MYO3A: variants seen among roughly 807,000 people sequenced by gnomAD.
MYO3A encodes the protein myosin IIIA.
In MYO3A, 180 loss-of-function variants were observed where a neutral mutation model predicts 192.7. The ratio of observed to expected loss-of-function variants is 0.93; its 90% confidence interval spans 0.83 to 1.06. The LOEUF is 1.06. Among genes scored for constraint, MYO3A ranks in the 50% least tolerant of loss-of-function variants. The pLI, the probability that MYO3A is intolerant of heterozygous loss-of-function variation, is 0.00. For synonymous variants in MYO3A, 628 were observed against 645.3 expected (o/e 0.97, Z 0.41); for missense variants, 1,896 against 1,905.0 (o/e 1.00, Z 0.09).
At chr10:25,962,116 A>G (rs80118441) in intron 4 of MYO3A, among the ~76,000 whole-genome samples, 9,744 of 152,222 alleles carry the variant, frequency 0.064, 408 homozygotes, top group Non-Finnish European at 0.094. Flanking sequence ...CACTTTACTT[A>G]TATTTCAATC....
At chr10:26,169,789 C>T (rs776561214) in intron 28 of MYO3A, among the ~76,000 whole-genome samples, 1 of 152,136 alleles carries the variant, frequency 6.6e-6, no homozygotes, top group African/African-American at 2.4e-5. Context: ...GGGCTCTAAT[C>T]CTTTATCCAC....
intron 29 of MYO3A, among the ~76,000 whole-genome samples, chr10:26,173,101 G>A (rs757365462): frequency 1.3e-5 from 2 of 151,722 alleles, no homozygotes; most frequent in Non-Finnish European, 2.9e-5. Context: ...CAAGTGAAGG[G>A]GAAATCATTT....
chr10:26,013,860 G>A (rs2131027017), intron 6 of MYO3A, among the ~76,000 whole-genome samples: 1 of 152,202 alleles, frequency 6.6e-6, no homozygotes, highest in Non-Finnish European at 1.5e-5. Flanking sequence ...TTTCAAAGAT[G>A]TGGGACCAAC....
chr10:26,212,009 C>A lies in MYO3A; in HGVS notation c.*46C>A. On this transcript the variant is annotated 3_prime_UTR_variant, in exon 35 of 35. Coordinates refer to ENST00000642920, the MANE Select transcript of MYO3A (RefSeq NM_017433.5). ...CGCCGTCGGAAGGCGCTGGAGCCTG[C>A]GGGGCAGCAGGGGCCAAGCAGGCAC... The A allele has an allele frequency of 6.3e-7, 1 of 1,597,740 alleles. No homozygotes were observed. The highest frequency in any genetic ancestry group is 8.6e-7 in the Non-Finnish European group (1 of 1,169,248).
chr10:26,002,133 T>C (rs886915940), intron 6 of MYO3A, among the ~76,000 whole-genome samples: 1 of 152,206 alleles, frequency 6.6e-6, no homozygotes, highest in Non-Finnish European at 1.5e-5. Context: ...AAAGCCATAA[T>C]AGTTATAGTA....
intron 6 of MYO3A, among the ~76,000 whole-genome samples, chr10:26,015,362 T>C (rs1252060321): frequency 6.6e-6 from 1 of 152,224 alleles, no homozygotes; most frequent in African/African-American, 2.4e-5. Context: ...CTAGACAAGA[T>C]GATTTTCCTA....
At chr10:26,193,443 A>G (rs1200775127) in intron 32 of MYO3A, 132 bp downstream of exon 32, 1 of 735,812 alleles carries the variant, frequency 1.4e-6, no homozygotes, top group Admixed American at 2.2e-5. Flanking sequence ...TCTCCTCTTC[A>G]CTGCCCTCCC....
chr10:26,159,314 C>G (rs1841351924), intron 26 of MYO3A, among the ~76,000 whole-genome samples: 2 of 150,004 alleles, frequency 1.3e-5, no homozygotes, highest in South Asian at 4.2e-4. Context: ...TTTATATGTT[C>G]AGCAAATTTG....
At chr10:25,974,042 A>T (rs1307276873) in intron 4 of MYO3A, among the ~76,000 whole-genome samples, 1 of 152,238 alleles carries the variant, frequency 6.6e-6, no homozygotes, top group Admixed American at 6.5e-5. Context: ...CACAGATTTC[A>T]TGATGAAAAC....
intron 4 of MYO3A, among the ~76,000 whole-genome samples, chr10:25,994,209 C>T (rs373512677): frequency 1.3e-5 from 2 of 152,056 alleles, no homozygotes; most frequent in East Asian, 1.9e-4. Flanking sequence ...GTATTGGGTG[C>T]GTATATATTT....
At chr10:26,191,823 C>A (rs1297563532) in intron 31 of MYO3A, among the ~76,000 whole-genome samples, 1 of 152,088 alleles carries the variant, frequency 6.6e-6, no homozygotes, top group Non-Finnish European at 1.5e-5. Context: ...TATAAATATT[C>A]ATTTATTTGA....
intron 4 of MYO3A, among the ~76,000 whole-genome samples, chr10:25,959,109 C>T (rs75431733): frequency 0.018 from 2,760 of 152,176 alleles, 95 homozygotes; most frequent in African/African-American, 0.063. Flanking sequence ...ATGTCGTCTG[C>T]AAACAGGGAT....
At chr10:26,056,420 G>A (rs2131315220) in intron 10 of MYO3A, among the ~76,000 whole-genome samples, 1 of 152,302 alleles carries the variant, frequency 6.6e-6, no homozygotes, top group South Asian at 2.1e-4. Context: ...AAGCAACAAT[G>A]ACTGAGAATT....
At chr10:26,197,389 G>T (rs915438656) in intron 32 of MYO3A, among the ~76,000 whole-genome samples, 1 of 152,110 alleles carries the variant, frequency 6.6e-6, no homozygotes, top group African/African-American at 2.4e-5. Context: ...GACCAGAAGG[G>T]TTAGTTTCTA....
intron 19 of MYO3A, among the ~76,000 whole-genome samples, chr10:26,127,524 A>G (rs1839286948): frequency 6.6e-6 from 1 of 152,176 alleles, no homozygotes; most frequent in African/African-American, 2.4e-5. Context: ...TACAGCCTGG[A>G]TTTTGAATTC....
chr10:25,978,148 CAT>C (rs1839074114), intron 4 of MYO3A, among the ~76,000 whole-genome samples: 1 of 152,002 alleles, frequency 6.6e-6, no homozygotes, highest in South Asian at 2.1e-4. Context: ...CTATTCCTTT[CAT>C]ATGTTAAACT....
chr10:26,147,208 A>G (rs1840516455), intron 22 of MYO3A, among the ~76,000 whole-genome samples: 1 of 152,176 alleles, frequency 6.6e-6, no homozygotes, highest in Non-Finnish European at 1.5e-5. Flanking sequence ...GGTCATTTCA[A>G]CCCAAATAAA....
At chr10:26,018,766 A>C (rs1156298623) in intron 7 of MYO3A, among the ~76,000 whole-genome samples, 1 of 152,326 alleles carries the variant, frequency 6.6e-6, no homozygotes, top group East Asian at 1.9e-4. Context: ...AGAATGTCTA[A>C]GGCAAACTGG....
At chr10:26,188,773 G>A (rs923326329) in intron 31 of MYO3A, among the ~76,000 whole-genome samples, 3 of 152,104 alleles carry the variant, frequency 2.0e-5, no homozygotes, top group African/African-American at 7.2e-5. Context: ...GTTTTTGTCA[G>A]GTTTGTCAAA....
Sources: allele counts gnomAD v4.1 joint callset (sites outside exome capture counted in the v4.1 genomes callset), GRCh38; gene constraint gnomAD v4.1.1; transcripts MANE v1.5; gene names NCBI Gene and HGNC (gene_info 2026-07-23, HGNC 2026-07-21).